NEMP2: variants seen among roughly 807,000 people sequenced by gnomAD.
NEMP2 encodes nuclear envelope integral membrane protein 2.
A neutral mutation model predicts 54.2 loss-of-function variants in NEMP2; 53 were observed. The ratio of observed to expected loss-of-function variants is 0.98; its 90% CI spans 0.78 to 1.23. NEMP2 has a LOEUF of 1.23. NEMP2 is among the 50% of genes most tolerant of loss of function. NEMP2 has a pLI of 0.00. For synonymous variants in NEMP2, 197 were observed against 190.3 expected (o/e 1.04, Z -0.29); for missense variants, 455 against 511.3 (o/e 0.89, Z 1.06).
chr2:190,432,371 C>A, the NEMP2 span, among the ~76,000 whole-genome samples: 1 of 152,184 alleles, frequency 6.6e-6, no homozygotes, highest in Non-Finnish European at 1.5e-5. Context: ...GCACCGTTTA[C>A]AACTCTGCTT....
At chr2:190,449,615 C>T in the NEMP2 span, among the ~76,000 whole-genome samples, 1 of 152,044 alleles carries the variant, frequency 6.6e-6, no homozygotes, top group Non-Finnish European at 1.5e-5. Flanking sequence ...GGAACCAACC[C>T]AAATGTCCAA....
the NEMP2 span, among the ~76,000 whole-genome samples, chr2:190,562,719 A>AT: frequency 0.24 from 36,440 of 151,992 alleles, 5,125 homozygotes; most frequent in South Asian, 0.33. The surrounding 1 kb of genome is among the most constrained non-coding windows in gnomAD (Gnocchi z 5.0). Flanking sequence ...TTTAAGGCAT[A>AT]TTTTTTTAAA....
At chr2:190,483,759 C>G in the NEMP2 span, among the ~76,000 whole-genome samples, 1 of 145,240 alleles carries the variant, frequency 6.9e-6, no homozygotes, top group African/African-American at 2.6e-5. Flanking sequence ...TGCTTGAACC[C>G]AGGAGGCAGA....
At chr2:190,463,560 C>A in the NEMP2 span, among the ~76,000 whole-genome samples, 1 of 152,174 alleles carries the variant, frequency 6.6e-6, no homozygotes, top group Admixed American at 6.5e-5. This position sits in a 1 kb window ranked among gnomAD's most constrained non-coding sequence, Gnocchi z 4.4. Flanking sequence ...TGGCTCATGC[C>A]TATAATCCCA....
At chr2:190,450,322 C>T in the NEMP2 span, among the ~76,000 whole-genome samples, 1 of 152,086 alleles carries the variant, frequency 6.6e-6, no homozygotes, top group Non-Finnish European at 1.5e-5. Flanking sequence ...CAGAAGCTTA[C>T]TTCATAGCAT....
chr2:190,475,418 G>T, the NEMP2 span, among the ~76,000 whole-genome samples: 1 of 151,874 alleles, frequency 6.6e-6, no homozygotes, highest in East Asian at 1.9e-4. Context: ...TTATATACCA[G>T]TAACAGCCAA....
At chr2:190,584,412 G>A in the NEMP2 span, among the ~76,000 whole-genome samples, 1 of 152,012 alleles carries the variant, frequency 6.6e-6, no homozygotes, top group South Asian at 2.1e-4. The surrounding 1 kb of genome is among the most constrained non-coding windows in gnomAD (Gnocchi z 4.2). Flanking sequence ...TGATGTCCTG[G>A]GTCCTAAGAA....
the NEMP2 span, among the ~76,000 whole-genome samples, chr2:190,486,119 A>T: frequency 6.6e-6 from 1 of 152,252 alleles, no homozygotes; most frequent in African/African-American, 2.4e-5. Flanking sequence ...AAGATTATGT[A>T]GATGAGACCA....
rs1389333873 is a variant in NEMP2 at position 190,527,208 on chromosome 2, C to A, written c.98-1830G>T. Among the ~76,000 whole-genome samples the A allele has an allele frequency of 1.3e-5, 2 of 152,112 alleles. No homozygotes were observed. Among genetic ancestry groups the A allele is most frequent in the Non-Finnish European group, 2.9e-5 (2 of 68,016 alleles). On this transcript the variant is annotated intron_variant, in intron 1 of 8. Coordinates refer to ENST00000409150, the MANE Select transcript of NEMP2 (RefSeq NM_001142645.2). This position sits in a 1 kb window ranked among gnomAD's most constrained non-coding sequence, Gnocchi z 4.0. ...TCCTCCTGAAAAACCTGAAATGAAG[C>A]TAGAACAACTTGCTACACCAAAGTT...
At chr2:190,473,934 T>C in the NEMP2 span, among the ~76,000 whole-genome samples, 2 of 152,106 alleles carry the variant, frequency 1.3e-5, no homozygotes, top group African/African-American at 4.8e-5. Context: ...CTCAAGTACA[T>C]GGAAACTGAA....
chr2:190,575,434 G>C, the NEMP2 span, among the ~76,000 whole-genome samples: 1 of 151,512 alleles, frequency 6.6e-6, no homozygotes, highest in Non-Finnish European at 1.5e-5. Context: ...TTCATGATCT[G>C]ATTAGCCAGT....
At chr2:190,454,857 G>A in the NEMP2 span, among the ~76,000 whole-genome samples, 1 of 152,052 alleles carries the variant, frequency 6.6e-6, no homozygotes, top group Non-Finnish European at 1.5e-5. This position sits in a 1 kb window ranked among gnomAD's most constrained non-coding sequence, Gnocchi z 4.6. Flanking sequence ...GCCTAACATA[G>A]TGGGATGATG....
the NEMP2 span, among the ~76,000 whole-genome samples, chr2:190,641,644 A>G: frequency 1.4e-4 from 21 of 152,218 alleles, no homozygotes; most frequent in Non-Finnish European, 2.9e-4. Flanking sequence ...GGAGCAGAGC[A>G]CTTTAACCTA....
chr2:190,568,856 A>G, the NEMP2 span, among the ~76,000 whole-genome samples: 1 of 152,118 alleles, frequency 6.6e-6, no homozygotes, highest in Non-Finnish European at 1.5e-5. This position sits in a 1 kb window ranked among gnomAD's most constrained non-coding sequence, Gnocchi z 4.7. Flanking sequence ...AAAAAACTCA[A>G]TAATTATCAG....
the NEMP2 span, among the ~76,000 whole-genome samples, chr2:190,546,319 T>G: frequency 6.6e-6 from 1 of 152,146 alleles, no homozygotes; most frequent in African/African-American, 2.4e-5. This position sits in a 1 kb window ranked among gnomAD's most constrained non-coding sequence, Gnocchi z 5.1. Flanking sequence ...AACAATTTGC[T>G]TGGGATTTAC....
intron 1 of NEMP2, among the ~76,000 whole-genome samples, chr2:190,532,495 A>G (rs1344375472): frequency 1.3e-5 from 2 of 152,192 alleles, no homozygotes; most frequent in Non-Finnish European, 2.9e-5. Context: ...GACCTCACTA[A>G]CTGGGTGAAA....
chr2:190,547,563 TCACC>T, the NEMP2 span, among the ~76,000 whole-genome samples: 1 of 152,242 alleles, frequency 6.6e-6, no homozygotes, highest in Non-Finnish European at 1.5e-5. This position sits in a 1 kb window ranked among gnomAD's most constrained non-coding sequence, Gnocchi z 6.2. Context: ...TTTTGCTCTG[TCACC>T]CAGGCTGGAG....
In NEMP2 at chr2:190,519,294, T is replaced by C; in HGVS notation, c.214-111A>G. The C allele has an allele frequency of 1.3e-6, 1 of 741,410 alleles. No individual in the cohort carries two copies. Among genetic ancestry groups the C allele is most frequent in the Non-Finnish European group, 2.2e-6 (1 of 456,384 alleles). The allele number at this position is 741,410 out of a possible 1,614,324, so 45.9% of individuals were successfully genotyped here. A position where few individuals can be genotyped will look rare whatever the true frequency, so the allele number is the denominator to read the frequency against. ...TGGAGTGCAGTGGCAGGATCTCTGCTCACTGCAACCTGTGCCTCCAGGGCT... is the reference window on the plus strand; with the variant it reads ...TGGAGTGCAGTGGCAGGATCTCTGCCCACTGCAACCTGTGCCTCCAGGGCT... On this transcript the variant is annotated intron_variant, in intron 2 of 8. Coordinates refer to ENST00000409150, the MANE Select transcript of NEMP2 (RefSeq NM_001142645.2). This position sits in a 1 kb window ranked among gnomAD's most constrained non-coding sequence, Gnocchi z 5.4.
rs1054561762 is a variant in NEMP2, at chr2:190,523,735, T to C, written c.213+1528A>G. On this transcript the variant is annotated intron_variant, in intron 2 of 8. Coordinates refer to ENST00000409150, the MANE Select transcript of NEMP2 (RefSeq NM_001142645.2). The surrounding 1 kb of genome is among the most constrained non-coding windows in gnomAD (Gnocchi z 5.3). ...ATGGCAGAAGGACACAGGAGCTAGT[T>C]TGAAGGGGCCCTGACTGGCTAAATC... Among the ~76,000 whole-genome samples, 3 of 152,160 alleles carry C rather than the reference T, an allele frequency of 2.0e-5. No homozygotes were observed. Among genetic ancestry groups the C allele is most frequent in the South Asian group, 2.1e-4 (1 of 4,830 alleles).
Sources: allele counts gnomAD v4.1 joint callset (sites outside exome capture counted in the v4.1 genomes callset), GRCh38; gene constraint gnomAD v4.1.1; non-coding constraint Gnocchi (gnomAD v3.1); transcripts MANE v1.5; gene names NCBI Gene and HGNC (gene_info 2026-07-23, HGNC 2026-07-21).